The following TSHZ2 variants were observed in gnomAD, a reference collection of about 807,000 sequenced individuals.
The protein encoded by TSHZ2 is teashirt zinc finger homeobox 2.
Under a neutral mutation model 74.4 loss-of-function variants are expected in TSHZ2, and 21 were observed. That is an observed-to-expected ratio of 0.28 (90% CI 0.20 to 0.41). The LOEUF is 0.41. Ranked by LOEUF, TSHZ2 falls within the 10% of genes least tolerant of loss-of-function variation. The pLI is 1.00. For synonymous variants in TSHZ2, 540 were observed against 515.3 expected (o/e 1.05, Z -0.65); for missense variants, 1,244 against 1,293.5 (o/e 0.96, Z 0.59).
chr20:53,412,109 C>G (rs1600618733), intron 2 of TSHZ2, among the ~76,000 whole-genome samples: 2 of 152,162 alleles, frequency 1.3e-5, no homozygotes, highest in African/African-American at 2.4e-5. Context: ...TTAGCAGGGA[C>G]GAGCCCATGG....
At chr20:53,378,341 A>AAAT (rs11474507) in intron 2 of TSHZ2, among the ~76,000 whole-genome samples, 20,935 of 142,426 alleles carry the variant, frequency 0.15, 1,894 homozygotes, top group East Asian at 0.37. Context: ...CTTTGTATCA[A>AAAT]AATAATAATA....
chr20:53,122,681 C>G (rs1986844307), intron 1 of TSHZ2, among the ~76,000 whole-genome samples: 1 of 152,078 alleles, frequency 6.6e-6, no homozygotes, highest in African/African-American at 2.4e-5. Context: ...CTGGGCCATG[C>G]TTGGAGGATG....
rs73140210 is a variant in TSHZ2, at chr20:53,087,001, T to C, written c.40+113668T>C. Among the ~76,000 whole-genome samples the C allele has an allele frequency of 1.3e-3, 205 of 152,262 alleles. 2 individuals are homozygous for C. The highest frequency in any genetic ancestry group is 3.4e-3 in the Middle Eastern group (1 of 294). On this transcript the variant is annotated intron_variant, in intron 1 of 2. Coordinates refer to ENST00000371497, the MANE Select transcript of TSHZ2 (RefSeq NM_173485.6). Reference sequence around the variant, plus strand: ...GGGGATGGGGTGGAGGGTTTCATGCTAGATAGGATGGCCAAGCATGGCTCT... The same window carrying C: ...GGGGATGGGGTGGAGGGTTTCATGCCAGATAGGATGGCCAAGCATGGCTCT...
chr20:53,424,596 G>A (rs1034707087), intron 2 of TSHZ2, among the ~76,000 whole-genome samples: 20 of 151,796 alleles, frequency 1.3e-4, no homozygotes, highest in Non-Finnish European at 2.5e-4. Flanking sequence ...TGGGGTACAT[G>A]TGCAAGATGT....
At chr20:53,322,530 A>G (rs1979314162) in intron 2 of TSHZ2, among the ~76,000 whole-genome samples, 2 of 152,208 alleles carry the variant, frequency 1.3e-5, no homozygotes, top group East Asian at 1.9e-4. Context: ...AAAAAGAAAA[A>G]AAAAACATGA....
At chr20:53,323,283 T>C (rs1236006544) in intron 2 of TSHZ2, among the ~76,000 whole-genome samples, 2 of 152,158 alleles carry the variant, frequency 1.3e-5, no homozygotes, top group Admixed American at 1.3e-4. Flanking sequence ...AAACAGACAG[T>C]ACTCCGGGTG....
chr20:53,340,063 T>C (rs1201415579), intron 2 of TSHZ2, among the ~76,000 whole-genome samples: 2 of 152,142 alleles, frequency 1.3e-5, no homozygotes, highest in African/African-American at 4.8e-5. Flanking sequence ...CAAATTCCTT[T>C]TCTTTGATTT....
chr20:53,457,030 T>G (rs1985117175), intron 2 of TSHZ2, among the ~76,000 whole-genome samples: 1 of 73,922 alleles, frequency 1.4e-5, no homozygotes, highest in Non-Finnish European at 2.4e-5. Flanking sequence ...AGGATTGCCT[T>G]GGCGATGCGG....
intron 2 of TSHZ2, among the ~76,000 whole-genome samples, chr20:53,294,368 T>C (rs752460299): frequency 1.4e-4 from 22 of 152,156 alleles, no homozygotes; most frequent in Non-Finnish European, 3.1e-4. Context: ...AATGTTTTAA[T>C]CTTAAAAATA....
intron 1 of TSHZ2, among the ~76,000 whole-genome samples, chr20:53,118,092 C>T (rs1986717558): frequency 6.6e-6 from 1 of 152,142 alleles, no homozygotes; most frequent in Non-Finnish European, 1.5e-5. Flanking sequence ...GATCGGCATG[C>T]TTAGAGAATT....
intron 2 of TSHZ2, among the ~76,000 whole-genome samples, chr20:53,414,660 A>T (rs1408905512): frequency 2.0e-5 from 3 of 147,424 alleles, no homozygotes; most frequent in Middle Eastern, 3.6e-3. Flanking sequence ...CCTATCTCTT[A>T]AAAAAAATTT....
intron 2 of TSHZ2, among the ~76,000 whole-genome samples, chr20:53,410,269 G>A (rs1983006584): frequency 6.6e-6 from 1 of 152,098 alleles, no homozygotes; most frequent in Non-Finnish European, 1.5e-5. Flanking sequence ...ATCAGGCCAT[G>A]GGCTCTCCCC....
chr20:53,002,277 A>G (rs1326161713), intron 1 of TSHZ2, among the ~76,000 whole-genome samples: 1 of 152,236 alleles, frequency 6.6e-6, no homozygotes, highest in Non-Finnish European at 1.5e-5. Context: ...TGATCTACCT[A>G]GCCAGGGGTA....
At chr20:53,042,808 T>C (rs1309955014) in intron 1 of TSHZ2, among the ~76,000 whole-genome samples, 1 of 152,098 alleles carries the variant, frequency 6.6e-6, no homozygotes, top group East Asian at 1.9e-4. Flanking sequence ...ATCATTGTTA[T>C]AAGTGCATAT....
intron 1 of TSHZ2, among the ~76,000 whole-genome samples, chr20:53,042,915 G>A (rs925195892): frequency 4.6e-5 from 7 of 152,174 alleles, no homozygotes; most frequent in Admixed American, 1.3e-4. Context: ...AGTAGGGAAA[G>A]CTGGAAATAC....
At chr20:53,258,871 G>A (rs1418655651) in intron 2 of TSHZ2, among the ~76,000 whole-genome samples, 1 of 152,166 alleles carries the variant, frequency 6.6e-6, no homozygotes, top group Non-Finnish European at 1.5e-5. Flanking sequence ...AAACAGGTTT[G>A]AGTGTTTGGG....
At chr20:53,280,446 A>G (rs1461972977) in intron 2 of TSHZ2, among the ~76,000 whole-genome samples, 1 of 152,196 alleles carries the variant, frequency 6.6e-6, no homozygotes, top group African/African-American at 2.4e-5. Flanking sequence ...ATGTCTGGGC[A>G]CTAATGTGAC....
At position 53,286,886 on chromosome 20, in the gene TSHZ2, T is replaced by TACACACACAC. The variant is rs71194467; in HGVS notation, c.*8+30346_*8+30355dup. On this transcript the variant is annotated intron_variant, in intron 2 of 2. Coordinates refer to ENST00000371497, the MANE Select transcript of TSHZ2 (RefSeq NM_173485.6). ...ACAGAGCAAGACCCTGTCTCAAAAATACACACACACACACACACACACACA... is the reference window on the plus strand; with the variant it reads ...ACAGAGCAAGACCCTGTCTCAAAAATACACACACACACACACACACACACACACACACACA... Among the ~76,000 whole-genome samples the TACACACACAC allele has an allele frequency of 9.0e-4, 126 of 139,532 alleles. 1 individual carries two copies. The highest frequency in any genetic ancestry group is 3.1e-3 in the African/African-American group (117 of 38,322). The allele number at this position is 139,532 out of a possible 152,430, so 91.5% of individuals were successfully genotyped here.
At chr20:53,088,634 A>G (rs999147727) in intron 1 of TSHZ2, among the ~76,000 whole-genome samples, 10 of 152,208 alleles carry the variant, frequency 6.6e-5, no homozygotes. Flanking sequence ...ATTCTATCTA[A>G]ATGGAGATTT....
Sources: allele counts gnomAD v4.1 joint callset (sites outside exome capture counted in the v4.1 genomes callset), GRCh38; gene constraint gnomAD v4.1.1; transcripts MANE v1.5; gene names NCBI Gene and HGNC (gene_info 2026-07-23, HGNC 2026-07-21).